The following AUTS2 variants were observed in gnomAD, a reference collection of about 807,000 sequenced individuals.
AUTS2 encodes autism susceptibility gene 2 protein.
In AUTS2, 17 loss-of-function variants were observed where a neutral mutation model predicts 112.4. The observed-to-expected ratio is 0.15, with a 90% CI of 0.10 to 0.23. The LOEUF is 0.23. Among genes scored for constraint, AUTS2 ranks in the 10% least tolerant of loss-of-function variants. AUTS2 has a pLI of 1.00. For missense variants in AUTS2, 1,510 were observed against 1,701.6 expected (o/e 0.89, Z 1.98); for synonymous variants, 751 against 702.7 (o/e 1.07, Z -1.09).
intron 1 of AUTS2, among the ~76,000 whole-genome samples, chr7:69,683,894 G>C (rs771615013): frequency 7.2e-5 from 11 of 152,320 alleles, no homozygotes; most frequent in East Asian, 5.8e-4. Context: ...CTGGGCAGTA[G>C]AGTTAATGAG....
chr7:70,566,354 C>A (rs905270734), intron 5 of AUTS2, among the ~76,000 whole-genome samples: 1 of 152,174 alleles, frequency 6.6e-6, no homozygotes, highest in South Asian at 2.1e-4. Flanking sequence ...TGTCCCTGGC[C>A]AGCTTCTACT....
chr7:69,773,507 T>A (rs115131074), intron 1 of AUTS2, among the ~76,000 whole-genome samples: 16,504 of 150,414 alleles, frequency 0.11, 1,523 homozygotes, highest in African/African-American at 0.25. Flanking sequence ...CCCCAAGCCT[T>A]TGGCTTGGGG....
At chr7:69,781,771 C>T (rs1325800362) in intron 1 of AUTS2, among the ~76,000 whole-genome samples, 1 of 152,148 alleles carries the variant, frequency 6.6e-6, no homozygotes, top group African/African-American at 2.4e-5. Flanking sequence ...AAAGGCCACA[C>T]ACCAAGTCTG....
chr7:70,612,591 T>TG (rs1804151442), intron 5 of AUTS2, among the ~76,000 whole-genome samples: 1 of 152,060 alleles, frequency 6.6e-6, no homozygotes, highest in Non-Finnish European at 1.5e-5. Context: ...CACAGTGGCC[T>TG]GGGTGGCACA....
intron 2 of AUTS2, among the ~76,000 whole-genome samples, chr7:69,984,711 T>C (rs955352994): frequency 6.6e-6 from 1 of 152,190 alleles, no homozygotes; most frequent in Non-Finnish European, 1.5e-5. Flanking sequence ...GCAGTTTGCC[T>C]GAAAGTGCCA....
intron 4 of AUTS2, among the ~76,000 whole-genome samples, chr7:70,163,351 G>GC (rs1390769534): frequency 1.0e-5 from 1 of 99,348 alleles, no homozygotes; most frequent in Non-Finnish European, 2.4e-5. Context: ...TGGTGGGGGG[G>GC]GGGGGGGCAG....
chr7:69,979,610 T>C (rs766718770), intron 2 of AUTS2, among the ~76,000 whole-genome samples: 2 of 152,166 alleles, frequency 1.3e-5, no homozygotes, highest in Non-Finnish European at 1.5e-5. Flanking sequence ...ATCAAAGACA[T>C]GATTCCAGAT....
chr7:70,220,637 G>A (rs1020909562), intron 4 of AUTS2, among the ~76,000 whole-genome samples: 1 of 152,154 alleles, frequency 6.6e-6, no homozygotes, highest in Non-Finnish European at 1.5e-5. Context: ...GGCTAGCTAC[G>A]GATGCATGGA....
intron 2 of AUTS2, among the ~76,000 whole-genome samples, chr7:70,016,885 C>G (rs1396934953): frequency 1.3e-5 from 2 of 152,120 alleles, no homozygotes; most frequent in Non-Finnish European, 2.9e-5. Context: ...CCAGGCTGGT[C>G]TCGAACTCCT....
chr7:70,387,301 C>A (rs544601189), intron 4 of AUTS2, among the ~76,000 whole-genome samples: 121 of 152,320 alleles, frequency 7.9e-4, no homozygotes, highest in African/African-American at 2.9e-3. Context: ...CAGTACCCTT[C>A]CCTGACCCCA....
chr7:70,734,501 T>TC (rs1192728289), intron 6 of AUTS2, among the ~76,000 whole-genome samples: 1 of 151,718 alleles, frequency 6.6e-6, no homozygotes, highest in Non-Finnish European at 1.5e-5. Context: ...CATTGTCCCC[T>TC]CCCCCCTTTT....
intron 5 of AUTS2, among the ~76,000 whole-genome samples, chr7:70,607,605 A>G (rs1273365941): frequency 6.6e-6 from 1 of 152,182 alleles, no homozygotes; most frequent in Non-Finnish European, 1.5e-5. Flanking sequence ...ATAGTGTGCA[A>G]TGCCCATGCC....
At chr7:69,676,542 A>G (rs904047869) in intron 1 of AUTS2, among the ~76,000 whole-genome samples, 3 of 152,206 alleles carry the variant, frequency 2.0e-5, no homozygotes, top group African/African-American at 7.2e-5. Context: ...CTTATGCTTC[A>G]CAATTTGGTT....
chr7:70,426,919 A>G (rs1795461896), intron 4 of AUTS2, among the ~76,000 whole-genome samples: 1 of 152,196 alleles, frequency 6.6e-6, no homozygotes, highest in Non-Finnish European at 1.5e-5. Context: ...TTTACTCATC[A>G]GCAAATTTGG....
intron 4 of AUTS2, among the ~76,000 whole-genome samples, chr7:70,396,354 C>T (rs894601578): frequency 6.6e-6 from 1 of 152,038 alleles, no homozygotes; most frequent in African/African-American, 2.4e-5. Context: ...TTTGTGCTCT[C>T]ACATTCTGTA....
intron 17 of AUTS2, 82 bp downstream of exon 17, chr7:70,786,120 A>G: frequency 1.6e-6 from 2 of 1,236,340 alleles, no homozygotes; most frequent in Non-Finnish European, 2.3e-6. Context: ...CTTTCTAGAG[A>G]AAAGGAAACT....
At chr7:69,927,286 A>T (rs1456750439) in intron 2 of AUTS2, among the ~76,000 whole-genome samples, 1 of 150,582 alleles carries the variant, frequency 6.6e-6, no homozygotes, top group African/African-American at 2.4e-5. Context: ...CAAGAATATT[A>T]TATTTACTCT....
intron 14 of AUTS2, among the ~76,000 whole-genome samples, chr7:70,780,779 A>G (rs184562187): frequency 6.5e-4 from 99 of 152,292 alleles, no homozygotes; most frequent in African/African-American, 2.3e-3. Flanking sequence ...TTATTGTTAT[A>G]TAACAGTGAT....
At chr7:69,800,413 G>C (rs1405575403) in intron 1 of AUTS2, among the ~76,000 whole-genome samples, 1 of 152,200 alleles carries the variant, frequency 6.6e-6, no homozygotes, top group Non-Finnish European at 1.5e-5. Flanking sequence ...GGGATCAACA[G>C]ATACATCCCT....
Sources: gnomAD v4.1 joint callset for allele counts (sites outside exome capture counted in the v4.1 genomes callset) on GRCh38, gnomAD v4.1.1 for gene constraint, MANE v1.5 for transcripts, NCBI Gene and HGNC (gene_info 2026-07-23, HGNC 2026-07-21) for gene names.